ADGRA3: variants seen among roughly 807,000 people sequenced by gnomAD.
The protein encoded by ADGRA3 is adhesion G protein-coupled receptor A3.
In ADGRA3, 56 loss-of-function variants were observed where a neutral mutation model predicts 119.8. The observed-to-expected ratio is 0.47, with a 90% CI of 0.38 to 0.58. The LOEUF (loss-of-function observed/expected upper bound fraction) is 0.58. Among genes scored for constraint, ADGRA3 ranks in the 20% least tolerant of loss-of-function variants. The probability of loss-of-function intolerance (pLI) is 0.00; values close to 1 mark genes in which losing one functional copy is unlikely to be tolerated. For missense variants in ADGRA3, 1,516 were observed against 1,649.0 expected, an observed-to-expected ratio of 0.92 and a Z score of 1.40; for synonymous variants, 607 against 623.8, an observed-to-expected ratio of 0.97 and a Z score of 0.40.
At chr4:22,453,604 C>T (rs1717138879) in intron 4 of ADGRA3, among the ~76,000 whole-genome samples, 1 of 152,180 alleles carries the variant, frequency 6.6e-6, no homozygotes, top group Admixed American at 6.5e-5. Flanking sequence ...GAAAGAACCA[C>T]AAGTAGACAA....
rs1038697240 is a variant in ADGRA3, at chr4:22,389,490, A to G, written c.2628-307T>C. Among the ~76,000 whole-genome samples the G allele has an allele frequency of 4.7e-5, 7 of 149,438 alleles. No homozygotes were observed. In the East Asian group the frequency reaches 5.8e-4, roughly 12 times the overall value. On this transcript the variant is annotated intron_variant, in intron 17 of 18. Transcript: ENST00000334304. ...GAGCCTGCTGGTAGGATTTCAGCTT[A>G]CTTACTCTTACTTTTTTTTTTTTTT...
chr4:22,454,006 A>T (rs755734107), intron 4 of ADGRA3, among the ~76,000 whole-genome samples: 52 of 151,986 alleles, frequency 3.4e-4, no homozygotes, highest in Non-Finnish European at 6.9e-4. Context: ...GACTACAGGC[A>T]TGTGCCACCA....
intron 12 of ADGRA3, among the ~76,000 whole-genome samples, chr4:22,417,991 CT>C (rs1194123407): frequency 2.6e-5 from 4 of 152,112 alleles, no homozygotes; most frequent in Non-Finnish European, 1.5e-5. Context: ...ATTATTTCTC[CT>C]TTTTGGCTAC....
At chr4:22,474,001 T>C (rs1355630778) in intron 1 of ADGRA3, among the ~76,000 whole-genome samples, 158 bp from the exon 2 acceptor site, 3 of 152,222 alleles carry the variant, frequency 2.0e-5, no homozygotes, top group Non-Finnish European at 2.9e-5. Context: ...TTCCCCTTTC[T>C]CTGAGAAACC....
At chr4:22,471,451 A>G (rs889536092) in intron 2 of ADGRA3, among the ~76,000 whole-genome samples, 2 of 152,206 alleles carry the variant, frequency 1.3e-5, no homozygotes, top group African/African-American at 4.8e-5. Flanking sequence ...TAAAAGAAGT[A>G]TAAATGGGTA....
intron 5 of ADGRA3, among the ~76,000 whole-genome samples, chr4:22,446,672 T>C (rs755967468): frequency 2.1e-4 from 32 of 151,852 alleles, no homozygotes; most frequent in Non-Finnish European, 4.0e-4. Context: ...GGAACAGAGA[T>C]GAGAGGAGAA....
chr4:22,511,476 A>C (rs1302816967), intron 1 of ADGRA3, among the ~76,000 whole-genome samples: 1 of 152,220 alleles, frequency 6.6e-6, no homozygotes, highest in Non-Finnish European at 1.5e-5. Flanking sequence ...AATACTGTTG[A>C]AGGATCTGAC....
At chr4:22,494,264 C>T (rs186174502) in intron 1 of ADGRA3, among the ~76,000 whole-genome samples, 8 of 151,592 alleles carry the variant, frequency 5.3e-5, no homozygotes, top group Non-Finnish European at 5.9e-5. Context: ...CTCCCACCAG[C>T]GCCATGACAG....
chr4:22,429,648 TA>T (rs113495534), intron 10 of ADGRA3, among the ~76,000 whole-genome samples: 314 of 147,346 alleles, frequency 2.1e-3, no homozygotes, highest in African/African-American at 4.8e-3. Flanking sequence ...AGAAGGAGGT[TA>T]AAAAAAAAAA....
rs143467052 is a variant in ADGRA3, at chr4:22,410,359, A to C, written c.2232+2823T>G. On this transcript the variant is annotated intron_variant, in intron 14 of 18. Coordinates refer to ENST00000334304, the MANE Select transcript of ADGRA3 (RefSeq NM_145290.4). ...TCTTCCTGCCCCACCTGGCTATTCC[A>C]GATCATATCATTCAAGCAAACCTAA... Among the ~76,000 whole-genome samples the C allele has an allele frequency of 8.5e-4, 129 of 152,286 alleles. 1 individual carries two copies. The highest frequency in any genetic ancestry group is 6.8e-3 in the Middle Eastern group (2 of 294).
rs199639027 is a variant in ADGRA3 at position 22,438,387 on chromosome 4, A to G, written c.954T>C (p.Ser318=). The G allele has an allele frequency of 1.9e-6, 3 of 1,613,872 alleles. No homozygotes were observed. The highest frequency in any genetic ancestry group is 3.3e-5 in the Admixed American group (2 of 60,010). The change falls in exon 8 of 19, where the codon TCT becomes TCC. Residue 318 remains serine, a synonymous_variant. Transcript: ENST00000334304. ...ALTISNIQAG[S]TGNWGCHVQT... is the part of the protein sequence containing the mutation. ...GGACATGACAGCCCCAATTTCCAGT[A>G]GATCCAGCCTGAATATTAGAAATGG...
At chr4:22,498,555 T>C (rs1176282700) in intron 1 of ADGRA3, among the ~76,000 whole-genome samples, 1 of 149,924 alleles carries the variant, frequency 6.7e-6, no homozygotes, top group East Asian at 2.0e-4. Context: ...AAGGCGGAGG[T>C]TGTAGTAAGC....
intron 1 of ADGRA3, 63 bp downstream of exon 1, chr4:22,515,465 G>A (rs1442378571): frequency 1.6e-5 from 25 of 1,565,244 alleles, no homozygotes; most frequent in Non-Finnish European, 2.2e-5. Flanking sequence ...CTGCTCCAAA[G>A]TTGAGCGGAG....
chr4:22,438,151 G>A (rs752828486), intron 8 of ADGRA3, 105 bp downstream of exon 8: 4 of 821,786 alleles, frequency 4.9e-6, no homozygotes, highest in African/African-American at 3.4e-5. Context: ...GACATGTGCA[G>A]TTCTCAAATT....
intron 10 of ADGRA3, among the ~76,000 whole-genome samples, chr4:22,434,725 T>A (rs1479998786): frequency 6.6e-6 from 1 of 152,170 alleles, no homozygotes; most frequent in East Asian, 1.9e-4. Flanking sequence ...TGCTTGTCAA[T>A]TTTTTTCCCC....
At chr4:22,414,737 G>T (rs1032473678) in intron 12 of ADGRA3, 5 of 583,264 alleles carry the variant, frequency 8.6e-6, no homozygotes, top group Middle Eastern at 2.6e-4. Flanking sequence ...TGTATCCCCT[G>T]AATGCTCCTA....
intron 1 of ADGRA3, among the ~76,000 whole-genome samples, chr4:22,480,799 C>T (rs920842367): frequency 6.6e-6 from 1 of 152,020 alleles, no homozygotes; most frequent in Non-Finnish European, 1.5e-5. Flanking sequence ...AATGAAATAC[C>T]AGAAAGATGC....
At chr4:22,453,094 C>T (rs1035903164) in intron 4 of ADGRA3, among the ~76,000 whole-genome samples, 1 of 150,856 alleles carries the variant, frequency 6.6e-6, no homozygotes, top group South Asian at 2.1e-4. Flanking sequence ...CCCAGCTACT[C>T]GCAAGGCTGA....
At chr4:22,462,974 A>C (rs1214225021) in intron 2 of ADGRA3, among the ~76,000 whole-genome samples, 1 of 151,970 alleles carries the variant, frequency 6.6e-6, no homozygotes. Flanking sequence ...CCTTCCCTAG[A>C]CCACACTCTT....
Sources: gnomAD v4.1 joint callset for allele counts (sites outside exome capture counted in the v4.1 genomes callset) on GRCh38, gnomAD v4.1.1 for gene constraint, MANE v1.5 for transcripts, NCBI Gene and HGNC (gene_info 2026-07-23, HGNC 2026-07-21) for gene names.